The following ZNF567 variants were observed in gnomAD, a reference collection of about 807,000 sequenced individuals.
ZNF567 encodes zinc finger protein 567.
In ZNF567, 36 loss-of-function variants were observed where a neutral mutation model predicts 53.9. The observed-to-expected ratio is 0.67, with a 90% CI of 0.51 to 0.88. The LOEUF (loss-of-function observed/expected upper bound fraction) is 0.88. Among genes scored for constraint, ZNF567 ranks in the 40% least tolerant of loss-of-function variants. The pLI is 0.00. For missense variants in ZNF567, 619 were observed against 764.7 expected (o/e 0.81, Z 2.25); for synonymous variants, 224 against 260.4 (o/e 0.86, Z 1.35).
At chr19:36,715,170 A>G (rs1173933608) in intron 5 of ZNF567, among the ~76,000 whole-genome samples, 1 of 151,598 alleles carries the variant, frequency 6.6e-6, no homozygotes, top group Non-Finnish European at 1.5e-5. Flanking sequence ...TTATTTATTT[A>G]TTATTTTTGA....
chr19:36,685,768 G>T (rs2038253620), upstream of ZNF567: 1 of 152,152 alleles, frequency 6.6e-6, no homozygotes, highest in Admixed American at 6.5e-5. Context: ...CACCTCAAAA[G>T]TTTATGGCTT....
At chr19:36,718,729 G>C (rs1410355488) in intron 5 of ZNF567, among the ~76,000 whole-genome samples, 2 of 152,024 alleles carry the variant, frequency 1.3e-5, no homozygotes, top group African/African-American at 4.8e-5. Context: ...AGAAGTTTTA[G>C]TGCAAAATGC....
At chr19:36,721,369 G>T (rs925269937), downstream of ZNF567, 6 of 152,094 alleles carry the variant, frequency 3.9e-5, no homozygotes, top group African/African-American at 1.4e-4. Context: ...ATGTATTTCT[G>T]TTGAATTTAT....
chr19:36,673,065 AT>A, the ZNF567 span, among the ~76,000 whole-genome samples: 1 of 151,014 alleles, frequency 6.6e-6, no homozygotes, highest in Non-Finnish European at 1.5e-5. Flanking sequence ...TACTGACTTT[AT>A]ATTAGAGTAT....
At chr19:36,685,707 A>T (rs2038251922), upstream of ZNF567, 1 of 152,256 alleles carries the variant, frequency 6.6e-6, no homozygotes, top group Admixed American at 6.5e-5. Context: ...ATGGTCATTT[A>T]AAAAGTCTAG....
the ZNF567 span, among the ~76,000 whole-genome samples, chr19:36,680,288 A>G: frequency 2.0e-5 from 3 of 152,226 alleles, no homozygotes; most frequent in African/African-American, 7.2e-5. Context: ...TGAGTATTAA[A>G]AAACAGAATC....
Position 36,692,302 on chromosome 19 carries a change from A to G in ZNF567, c.-66-2500A>G, listed in dbSNP as rs113846653. ...GTGATAAAATGGTAAAAACACGCAC[A>G]TAATGAATGCATGGAAAACTAGTGA... On this transcript the variant is annotated intron_variant, in intron 2 of 5. Transcript: ENST00000682579. Among the ~76,000 whole-genome samples the G allele has an allele frequency of 7.9e-3, 1,199 of 152,348 alleles. 11 individuals are homozygous for G. The highest frequency in any genetic ancestry group is 0.013 in the Non-Finnish European group (880 of 68,038).
chr19:36,680,104 T>A, the ZNF567 span, among the ~76,000 whole-genome samples: 1 of 152,198 alleles, frequency 6.6e-6, no homozygotes, highest in African/African-American at 2.4e-5. Context: ...AATTATACAA[T>A]TATTGTACAA....
intron 3 of ZNF567, among the ~76,000 whole-genome samples, chr19:36,710,183 T>C (rs926689050): frequency 3.3e-5 from 5 of 152,118 alleles, no homozygotes; most frequent in Non-Finnish European, 7.3e-5. Flanking sequence ...TTTACACAGA[T>C]ACTGATTCTC....
chr19:36,714,351 A>G (rs1217194905), intron 5 of ZNF567: 1 of 364,266 alleles, frequency 2.7e-6, no homozygotes. Flanking sequence ...TTTAGTAGAG[A>G]TGGGGTTTCA....
At chr19:36,708,552 A>G (rs2039615364) in intron 3 of ZNF567, among the ~76,000 whole-genome samples, 1 of 152,190 alleles carries the variant, frequency 6.6e-6, no homozygotes, top group Non-Finnish European at 1.5e-5. Context: ...CAAATATATA[A>G]TGGCACATAT....
rs1183300816 is a variant in ZNF567 at position 36,719,801 on chromosome 19, C to T, written c.1077C>T (p.His359=). 6.2e-7 allele frequency: 1 copy of T among 1,614,176 alleles called. No individual in the cohort carries two copies. The highest frequency in any genetic ancestry group is 2.2e-5 in the East Asian group (1 of 44,876). Residue 359 remains histidine (H), a synonymous_variant, in exon 6 of 6, where the codon CAC becomes CAT. Transcript: ENST00000682579. Reference sequence around the variant, plus strand: ...ACCTCATTCGTCATCAGAGAACTCACACGGGAGAGAAACCATATGAGTGTA... The same window carrying T: ...ACCTCATTCGTCATCAGAGAACTCATACGGGAGAGAAACCATATGAGTGTA... The part of the protein sequence containing the change: ...KSHLIRHQRT[H]TGEKPYECND...
chr19:36,680,320 C>T, the ZNF567 span, among the ~76,000 whole-genome samples: 1 of 152,138 alleles, frequency 6.6e-6, no homozygotes, highest in Admixed American at 6.6e-5. Context: ...TGTTGCTGTT[C>T]TGAGACCTGT....
intron 3 of ZNF567, among the ~76,000 whole-genome samples, chr19:36,697,801 A>G (rs3108564): frequency 0.67 from 101,891 of 151,590 alleles, 34,567 homozygotes; most frequent in East Asian, 0.82. Flanking sequence ...TAGTAGAGAC[A>G]GCATTTCACC....
chr19:36,680,201 TA>T, the ZNF567 span, among the ~76,000 whole-genome samples: 8 of 152,098 alleles, frequency 5.3e-5, no homozygotes, highest in African/African-American at 1.9e-4. Flanking sequence ...TTAAAAATTT[TA>T]AAAAAGAAAT....
chr19:36,677,983 T>C, the ZNF567 span, among the ~76,000 whole-genome samples: 49,703 of 151,956 alleles, frequency 0.33, 8,340 homozygotes, highest in East Asian at 0.58. Flanking sequence ...TCTCATATTT[T>C]CCTCTCCCTG....
At chr19:36,689,520 A>G (rs1568681110) in intron 2 of ZNF567, 23 bp downstream of exon 2, 1 of 152,050 alleles carries the variant, frequency 6.6e-6, no homozygotes, top group Non-Finnish European at 1.5e-5. Flanking sequence ...TTACCTTCCA[A>G]GAGAACCTGC....
At chr19:36,693,158 T>C (rs1279547389) in intron 2 of ZNF567, among the ~76,000 whole-genome samples, 1 of 151,334 alleles carries the variant, frequency 6.6e-6, no homozygotes, top group Non-Finnish European at 1.5e-5. Flanking sequence ...CTTGATGGCA[T>C]GCGCCTGTAG....
intron 2 of ZNF567, among the ~76,000 whole-genome samples, chr19:36,692,414 C>G (rs2038664566): frequency 6.6e-6 from 1 of 152,058 alleles, no homozygotes; most frequent in Admixed American, 6.5e-5. Flanking sequence ...GCTCTGTTGT[C>G]CAGGTCGAAG....
Sources: allele counts gnomAD v4.1 joint callset (sites outside exome capture counted in the v4.1 genomes callset), GRCh38; gene constraint gnomAD v4.1.1; transcripts MANE v1.5; gene names NCBI Gene and HGNC (gene_info 2026-07-23, HGNC 2026-07-21).